CBLN2: variants seen among roughly 807,000 people sequenced by gnomAD.
The protein encoded by CBLN2 is cerebellin-2.
CBLN2 carries 7 observed loss-of-function variants against 15.0 expected under a neutral mutation model. The ratio of observed to expected loss-of-function variants is 0.47; its 90% CI spans 0.27 to 0.88. The LOEUF (loss-of-function observed/expected upper bound fraction) is 0.88. CBLN2 is among the 40% of genes least tolerant of loss of function. The probability of loss-of-function intolerance (pLI) is 0.14; values close to 1 mark genes in which losing one functional copy is unlikely to be tolerated. For synonymous variants in CBLN2, 149 were observed against 135.2 expected (o/e 1.10, Z -0.71); for missense variants, 242 against 304.5 (o/e 0.79, Z 1.53).
rs1042572383 is a variant in CBLN2, at chr18:72,537,429, T to C, written c.*747A>G. On this transcript the variant is annotated 3_prime_UTR_variant, in exon 5 of 5. Transcript: ENST00000269503. ...TTTAATGTTTTGTTTTGTTTGGTCTTATCCAGGAATTCTATATTTTCTCTC... is the reference window on the plus strand; with the variant it reads ...TTTAATGTTTTGTTTTGTTTGGTCTCATCCAGGAATTCTATATTTTCTCTC... 3.3e-4 allele frequency: 50 copies of C among 152,518 alleles called. 1 individual carries two copies. The highest frequency in any genetic ancestry group is 1.2e-3 in the African/African-American group (50 of 41,564). The allele number at this position is 152,518 out of a possible 1,614,324, so 9.4% of individuals were successfully genotyped here.
At chr18:72,626,943 C>T (rs1187827071) in intron 1 of CBLN2, among the ~76,000 whole-genome samples, 1 of 152,194 alleles carries the variant, frequency 6.6e-6, no homozygotes, top group Non-Finnish European at 1.5e-5. Flanking sequence ...TGCAGGTTTG[C>T]TTGCCCGTGT....
At chr18:72,540,460 A>T (rs1298073333) in intron 3 of CBLN2, among the ~76,000 whole-genome samples, 1 of 152,184 alleles carries the variant, frequency 6.6e-6, no homozygotes, top group Non-Finnish European at 1.5e-5. Flanking sequence ...TGTTACACAA[A>T]TGCAAAGGTG....
intron 3 of CBLN2, among the ~76,000 whole-genome samples, chr18:72,540,561 T>C (rs553104819): frequency 1.3e-5 from 2 of 152,298 alleles, no homozygotes; most frequent in Admixed American, 1.3e-4. Context: ...ACCTTACTAA[T>C]AGAGTATTAG....
chr18:72,570,158 T>G (rs2069321735), intron 1 of CBLN2, among the ~76,000 whole-genome samples: 1 of 152,204 alleles, frequency 6.6e-6, no homozygotes, highest in Non-Finnish European at 1.5e-5. Flanking sequence ...GGTCACATTT[T>G]TACAAACTGA....
At chr18:72,633,655 A>C (rs1309754331) in intron 1 of CBLN2, among the ~76,000 whole-genome samples, 1 of 152,192 alleles carries the variant, frequency 6.6e-6, no homozygotes, top group African/African-American at 2.4e-5. Flanking sequence ...GTGTAAAGAT[A>C]ACAATCTTAA....
upstream of CBLN2, among the ~76,000 whole-genome samples, chr18:72,546,208 C>T (rs369594549): frequency 3.9e-5 from 6 of 152,272 alleles, no homozygotes; most frequent in South Asian, 8.3e-4. Context: ...GAGGCCGAGG[C>T]GGGCGGATCA....
chr18:72,558,185 T>A (rs2069238575), intron 1 of CBLN2, among the ~76,000 whole-genome samples: 1 of 152,178 alleles, frequency 6.6e-6, no homozygotes, highest in Non-Finnish European at 1.5e-5. Flanking sequence ...CCGTGTGGCA[T>A]CAGCTTGACT....
At chr18:72,595,843 C>T (rs1283171588) in intron 1 of CBLN2, among the ~76,000 whole-genome samples, 5 of 151,902 alleles carry the variant, frequency 3.3e-5, no homozygotes, top group Non-Finnish European at 7.4e-5. Flanking sequence ...ATGGTTACTT[C>T]TGCTTTTTTT....
chr18:72,599,433 A>G (rs2069533711), intron 1 of CBLN2, among the ~76,000 whole-genome samples: 1 of 152,222 alleles, frequency 6.6e-6, no homozygotes, highest in Admixed American at 6.5e-5. Context: ...AACTTAAAAC[A>G]TGAAAATAAA....
chr18:72,555,990 C>T (rs1269738359), intron 1 of CBLN2, among the ~76,000 whole-genome samples: 1 of 152,162 alleles, frequency 6.6e-6, no homozygotes, highest in Non-Finnish European at 1.5e-5. Context: ...CCAGTTGAAC[C>T]ATTCTTCCTA....
At chr18:72,621,282 G>A (rs2069699005) in intron 1 of CBLN2, among the ~76,000 whole-genome samples, 1 of 152,126 alleles carries the variant, frequency 6.6e-6, no homozygotes, top group Admixed American at 6.6e-5. Context: ...ACTTACTTAT[G>A]ACATTTTACT....
chr18:72,590,196 C>T (rs1451737299), intron 1 of CBLN2, among the ~76,000 whole-genome samples: 15 of 151,022 alleles, frequency 9.9e-5, no homozygotes, highest in South Asian at 2.1e-4. Context: ...ACCCGGGAGG[C>T]GGAGCTTGCA....
chr18:72,611,040 G>T (rs779035548), intron 1 of CBLN2, among the ~76,000 whole-genome samples: 1 of 152,124 alleles, frequency 6.6e-6, no homozygotes, highest in Admixed American at 6.6e-5. Context: ...ATGACCTCCA[G>T]CTGCATCCAT....
chr18:72,618,188 TCTCTTTGC>T (rs2069675634), intron 1 of CBLN2: 2 of 184,294 alleles, frequency 1.1e-5, no homozygotes, highest in South Asian at 3.1e-4. Context: ...TTCTATGAGA[TCTCTTTGC>T]CAGCTTACTC....
chr18:72,581,419 A>T (rs540481571), intron 1 of CBLN2, among the ~76,000 whole-genome samples: 4 of 152,278 alleles, frequency 2.6e-5, no homozygotes, highest in African/African-American at 7.2e-5. Flanking sequence ...AGCCATTCTT[A>T]TGGATGTTAT....
upstream of CBLN2, among the ~76,000 whole-genome samples, chr18:72,546,006 C>G (rs1157319738): frequency 1.3e-5 from 2 of 152,154 alleles, no homozygotes; most frequent in Non-Finnish European, 2.9e-5. Flanking sequence ...TTGAAAAAAG[C>G]TATAAGCATT....
intron 1 of CBLN2, among the ~76,000 whole-genome samples, chr18:72,571,127 C>A (rs1461607139): frequency 6.6e-6 from 1 of 151,976 alleles, no homozygotes; most frequent in Non-Finnish European, 1.5e-5. Flanking sequence ...AGTATCAGGG[C>A]ACTTCTAATT....
chr18:72,596,902 G>C (rs190218582), intron 1 of CBLN2, among the ~76,000 whole-genome samples: 1 of 152,010 alleles, frequency 6.6e-6, no homozygotes, highest in East Asian at 1.9e-4. Context: ...GTCTTCTTTG[G>C]TTTAAAGCTG....
chr18:72,573,712 C>T (rs2069346453), intron 1 of CBLN2, among the ~76,000 whole-genome samples: 1 of 152,144 alleles, frequency 6.6e-6, no homozygotes, highest in South Asian at 2.1e-4. Context: ...ATCTTGGTTA[C>T]CTTCAAGTTT....
Sources: gnomAD v4.1 joint callset for allele counts (sites outside exome capture counted in the v4.1 genomes callset) on GRCh38, gnomAD v4.1.1 for gene constraint, MANE v1.5 for transcripts, NCBI Gene and HGNC (gene_info 2026-07-23, HGNC 2026-07-21) for gene names.